B3GALT1: variants seen among roughly 807,000 people sequenced by gnomAD.
The protein encoded by B3GALT1 is beta-1,3-galactosyltransferase 1.
B3GALT1 carries 10 observed loss-of-function variants against 23.2 expected under a neutral mutation model. The ratio of observed to expected loss-of-function variants is 0.43; its 90% CI spans 0.27 to 0.73. B3GALT1 has a LOEUF of 0.73. Ranked by LOEUF, B3GALT1 falls within the 30% of genes least tolerant of loss-of-function variation. The pLI is 0.21. For synonymous variants in B3GALT1, 156 were observed against 141.5 expected (o/e 1.10, Z -0.73); for missense variants, 299 against 405.4 (o/e 0.74, Z 2.25).
intron 1 of B3GALT1, among the ~76,000 whole-genome samples, chr2:167,345,254 A>AT (rs1697210378): frequency 6.6e-6 from 1 of 152,038 alleles, no homozygotes; most frequent in Admixed American, 6.6e-5. Flanking sequence ...TGATAGATTC[A>AT]AACACTATAG....
At chr2:167,809,632 C>G (rs553346918) in intron 3 of B3GALT1, among the ~76,000 whole-genome samples, 1 of 152,190 alleles carries the variant, frequency 6.6e-6, no homozygotes. Context: ...GCTGCCTGAT[C>G]GTTCCTCTGG....
intron 1 of B3GALT1, among the ~76,000 whole-genome samples, chr2:167,399,341 T>G (rs1357606): frequency 0.8 from 121,941 of 152,060 alleles, 51,078 homozygotes; most frequent in East Asian, 0.92. Context: ...ATTTATAGGA[T>G]GAATAGAAAT....
At chr2:167,683,947 A>G (rs1686576286) in intron 3 of B3GALT1, among the ~76,000 whole-genome samples, 1 of 152,158 alleles carries the variant, frequency 6.6e-6, no homozygotes, top group Non-Finnish European at 1.5e-5. Context: ...TATCTGGAAC[A>G]CTTTCCTTCT....
chr2:167,540,694 C>T (rs746751959), intron 2 of B3GALT1, among the ~76,000 whole-genome samples: 13 of 152,054 alleles, frequency 8.5e-5, no homozygotes, highest in Non-Finnish European at 1.6e-4. Flanking sequence ...GACAAGCATG[C>T]CTCACCTCAT....
At chr2:167,590,809 T>G (rs947325347) in intron 2 of B3GALT1, among the ~76,000 whole-genome samples, 1 of 152,140 alleles carries the variant, frequency 6.6e-6, no homozygotes, top group Non-Finnish European at 1.5e-5. Context: ...AAAGCACCAC[T>G]CACCAAGTCC....
intron 2 of B3GALT1, among the ~76,000 whole-genome samples, chr2:167,627,576 G>C (rs1685369106): frequency 6.6e-6 from 1 of 151,560 alleles, no homozygotes; most frequent in East Asian, 1.9e-4. Context: ...TTTTCTACTT[G>C]ATGACATTTG....
chr2:167,621,305 C>T (rs963931348), intron 2 of B3GALT1, among the ~76,000 whole-genome samples: 8 of 151,950 alleles, frequency 5.3e-5, no homozygotes, highest in African/African-American at 7.2e-5. Context: ...AGGCTGGTCT[C>T]GAACTCCTAA....
At chr2:167,626,405 A>G (rs1413919418) in intron 2 of B3GALT1, among the ~76,000 whole-genome samples, 1 of 151,668 alleles carries the variant, frequency 6.6e-6, no homozygotes. Flanking sequence ...ATCTTACAAT[A>G]TAGGACAACA....
At chr2:167,314,928 C>A (rs971210181) in intron 1 of B3GALT1, among the ~76,000 whole-genome samples, 2 of 152,098 alleles carry the variant, frequency 1.3e-5, no homozygotes, top group African/African-American at 4.8e-5. Context: ...CTATCCATTT[C>A]TAATTAGAGA....
In B3GALT1 at chr2:167,402,828, G is replaced by A. The variant is rs1698214000; in HGVS notation, c.-510-87349G>A. 2.6e-5 allele frequency among the ~76,000 whole-genome samples: 4 copies of A among 152,048 alleles called. No individual in the cohort carries two copies. In the South Asian group the frequency reaches 8.3e-4, roughly 32 times the overall value. On this transcript the variant is annotated intron_variant, in intron 1 of 4. Coordinates refer to ENST00000392690, the MANE Select transcript of B3GALT1 (RefSeq NM_020981.4). ...GTTCCTGAGTTAGTCATGTTTCCAT[G>A]GCATTAAATTTTGAAAGATGATTTG...
chr2:167,683,640 G>A (rs1022681409), intron 3 of B3GALT1, among the ~76,000 whole-genome samples: 1 of 152,136 alleles, frequency 6.6e-6, no homozygotes, highest in Non-Finnish European at 1.5e-5. Context: ...AAGAACACCT[G>A]GGCCTGAAAG....
At chr2:167,468,454 T>C (rs556973357) in intron 1 of B3GALT1, among the ~76,000 whole-genome samples, 14 of 152,318 alleles carry the variant, frequency 9.2e-5, no homozygotes, top group Non-Finnish European at 1.0e-4. Flanking sequence ...GAAATGAATG[T>C]TTTTCTAAGT....
intron 2 of B3GALT1, among the ~76,000 whole-genome samples, chr2:167,543,485 A>G (rs921108408): frequency 2.0e-5 from 3 of 152,188 alleles, no homozygotes; most frequent in Non-Finnish European, 4.4e-5. Context: ...TGTCAATATA[A>G]AAAGATGTCT....
intron 1 of B3GALT1, among the ~76,000 whole-genome samples, chr2:167,341,726 C>T (rs1697150381): frequency 6.6e-6 from 1 of 152,114 alleles, no homozygotes; most frequent in Non-Finnish European, 1.5e-5. Flanking sequence ...AGCTTTGGCT[C>T]CAAATGTGCC....
intron 3 of B3GALT1, among the ~76,000 whole-genome samples, chr2:167,681,282 C>A (rs1686526533): frequency 1.3e-5 from 2 of 152,252 alleles, no homozygotes; most frequent in African/African-American, 2.4e-5. Flanking sequence ...TCCCAAAAAT[C>A]TGTTGTAAAT....
intron 3 of B3GALT1, among the ~76,000 whole-genome samples, chr2:167,813,075 C>CT (rs199618511): frequency 0.022 from 2,961 of 135,152 alleles, 58 homozygotes; most frequent in Non-Finnish European, 0.029. Flanking sequence ...TGATATCTGT[C>CT]TTCAGAAAGA....
At chr2:167,647,845 G>C (rs1685775443) in intron 3 of B3GALT1, among the ~76,000 whole-genome samples, 1 of 151,998 alleles carries the variant, frequency 6.6e-6, no homozygotes, top group African/African-American at 2.4e-5. Flanking sequence ...GAGATGTTTT[G>C]ATTCTGGCAT....
intron 3 of B3GALT1, among the ~76,000 whole-genome samples, chr2:167,739,109 C>G (rs1435211061): frequency 2.0e-5 from 3 of 152,124 alleles, no homozygotes; most frequent in Non-Finnish European, 4.4e-5. Flanking sequence ...TTTCAGCTGC[C>G]TTAGCTATAA....
chr2:167,853,325 C>T (rs1170828034), intron 4 of B3GALT1, among the ~76,000 whole-genome samples: 1 of 152,078 alleles, frequency 6.6e-6, no homozygotes, highest in Non-Finnish European at 1.5e-5. Context: ...ATGTCTCTCC[C>T]CCACAATCAA....
Sources: allele counts gnomAD v4.1 joint callset (sites outside exome capture counted in the v4.1 genomes callset), GRCh38; gene constraint gnomAD v4.1.1; transcripts MANE v1.5; gene names NCBI Gene and HGNC (gene_info 2026-07-23, HGNC 2026-07-21).